NALF1: variants seen among roughly 807,000 people sequenced by gnomAD.
NALF1 encodes the protein NALCN channel auxiliary factor 1, also known as family with sequence similarity 155 member A.
Under a neutral mutation model 48.4 loss-of-function variants are expected in NALF1, and 3 were observed. The ratio of observed to expected loss-of-function variants is 0.06; its 90% CI spans 0.03 to 0.16. NALF1 has a LOEUF of 0.16. Ranked by LOEUF, NALF1 falls within the 10% of genes least tolerant of loss-of-function variation. The pLI is 1.00. For missense variants in NALF1, 526 were observed against 571.5 expected (o/e 0.92, Z 0.81); for synonymous variants, 262 against 245.7 (o/e 1.07, Z -0.62).
chr13:107,481,235 A>C (rs1414642555), intron 1 of NALF1, among the ~76,000 whole-genome samples: 14 of 152,200 alleles, frequency 9.2e-5, no homozygotes, highest in African/African-American at 3.4e-4. Flanking sequence ...ATTGAGATCA[A>C]GATGATGCTG....
chr13:107,179,363 C>T (rs867288574), intron 2 of NALF1, among the ~76,000 whole-genome samples: 1 of 151,108 alleles, frequency 6.6e-6, no homozygotes, highest in Non-Finnish European at 1.5e-5. Context: ...TTACTATAGG[C>T]TGGGAAGGGT....
At chr13:107,267,197 C>T (rs759436291) in intron 1 of NALF1, among the ~76,000 whole-genome samples, 1 of 152,178 alleles carries the variant, frequency 6.6e-6, no homozygotes, top group Non-Finnish European at 1.5e-5. Flanking sequence ...GCTCACTGAT[C>T]ACGTATTTGG....
chr13:107,812,129 G>A (rs10508194), intron 1 of NALF1, among the ~76,000 whole-genome samples: 8,349 of 152,144 alleles, frequency 0.055, 791 homozygotes, highest in African/African-American at 0.19. Flanking sequence ...AAATCTTAGT[G>A]AAGTTCCATG....
At chr13:107,455,654 A>G (rs1884812059) in intron 1 of NALF1, among the ~76,000 whole-genome samples, 1 of 152,282 alleles carries the variant, frequency 6.6e-6, no homozygotes, top group South Asian at 2.1e-4. Flanking sequence ...CATACAGAGT[A>G]GTTTCACTGC....
At chr13:107,686,494 A>T (rs1369083701) in intron 1 of NALF1, among the ~76,000 whole-genome samples, 1 of 152,094 alleles carries the variant, frequency 6.6e-6, no homozygotes, top group East Asian at 1.9e-4. Flanking sequence ...TCCAGGTTCA[A>T]GCAATTCTCC....
intron 1 of NALF1, among the ~76,000 whole-genome samples, chr13:107,455,545 C>T (rs556583708): frequency 2.6e-5 from 4 of 152,258 alleles, no homozygotes; most frequent in African/African-American, 7.2e-5. Context: ...ACATCATCAT[C>T]ACCCAGAGTT....
intron 1 of NALF1, among the ~76,000 whole-genome samples, chr13:107,443,613 T>C (rs994374271): frequency 4.6e-5 from 7 of 152,190 alleles, no homozygotes; most frequent in Non-Finnish European, 8.8e-5. Context: ...TAAACTAATT[T>C]TTATTGATTT....
chr13:107,424,610 G>A (rs2139011497), intron 1 of NALF1, among the ~76,000 whole-genome samples: 1 of 152,268 alleles, frequency 6.6e-6, no homozygotes, highest in South Asian at 2.1e-4. Flanking sequence ...GCAAGAAAGG[G>A]AAGGAGAAGA....
At chr13:107,840,141 T>C (rs1880004555) in intron 1 of NALF1, among the ~76,000 whole-genome samples, 2 of 152,204 alleles carry the variant, frequency 1.3e-5, no homozygotes, top group Admixed American at 6.5e-5. Flanking sequence ...ACTCATTCTT[T>C]AGTCAGTTAA....
intron 1 of NALF1, among the ~76,000 whole-genome samples, chr13:107,380,764 G>A (rs1374863776): frequency 6.6e-6 from 1 of 151,876 alleles, no homozygotes; most frequent in Non-Finnish European, 1.5e-5. Context: ...GGATCACGAG[G>A]TCAGGAGATC....
chr13:107,657,436 G>T (rs542482733), intron 1 of NALF1, among the ~76,000 whole-genome samples: 1 of 152,216 alleles, frequency 6.6e-6, no homozygotes, highest in African/African-American at 2.4e-5. Flanking sequence ...GCATATGTTT[G>T]CACGGGTGTG....
intron 1 of NALF1, among the ~76,000 whole-genome samples, chr13:107,644,862 A>G (rs145021556): frequency 1.6e-4 from 24 of 151,990 alleles, no homozygotes; most frequent in African/African-American, 5.5e-4. Context: ...ACTGCTGTAC[A>G]GCAAAAATAA....
At chr13:107,661,977 A>T (rs543632157) in intron 1 of NALF1, among the ~76,000 whole-genome samples, 2 of 152,296 alleles carry the variant, frequency 1.3e-5, no homozygotes, top group African/African-American at 4.8e-5. Context: ...AAATTGTATG[A>T]GGATGTTATT....
In NALF1 at chr13:107,866,253, G is replaced by C; in HGVS notation, c.344C>G (p.Pro115Arg). ...ALLASMGESSPAAQAHRLLSA... is the reference protein window; with the variant it reads ...ALLASMGESSRAAQAHRLLSA... Reference sequence around the variant, plus strand: ...GAGGAGTCTGTGTGCCTGGGCGGCGGGCGAGGACTCCCCCATGCTCGCCAG... The same window carrying C: ...GAGGAGTCTGTGTGCCTGGGCGGCGCGCGAGGACTCCCCCATGCTCGCCAG... The change falls in exon 1 of 3, where the codon CCC becomes CGC. Residue 115 changes from proline to arginine, a missense_variant. Physicochemically the swap from Pro to Arg is moderately radical, Grantham distance 103. Coordinates refer to ENST00000375915, the MANE Select transcript of NALF1 (RefSeq NM_001080396.3). This position sits in a 1 kb window ranked among gnomAD's most constrained non-coding sequence, Gnocchi z 4.4. 3.1e-6 allele frequency: 5 copies of C among 1,593,656 alleles called. No individual in the cohort carries two copies. Among genetic ancestry groups the C allele is most frequent in the Non-Finnish European group, 4.3e-6 (5 of 1,172,034 alleles).
At chr13:107,482,178 T>C (rs75172613) in intron 1 of NALF1, among the ~76,000 whole-genome samples, 2 of 152,094 alleles carry the variant, frequency 1.3e-5, no homozygotes, top group Non-Finnish European at 2.9e-5. Context: ...AAAAGACTTA[T>C]CTCTCCCGAG....
Position 107,166,234 on chromosome 13 carries a change from C to G in NALF1, c.*4263G>C, listed in dbSNP as rs534463504. On this transcript the variant is annotated 3_prime_UTR_variant, in exon 3 of 3. Coordinates refer to ENST00000375915, the MANE Select transcript of NALF1 (RefSeq NM_001080396.3). ...AGGAGTTCAAGACTAGCCTGGCCAA[C>G]ATGGCGACACCACGTCTCTACTAAA... is the stretch of plus-strand genomic sequence containing the variant. 8 of 152,198 alleles carry G rather than the reference C, an allele frequency of 5.3e-5. No individual in the cohort carries two copies. Among genetic ancestry groups the G allele is most frequent in the Admixed American group, 2.6e-4 (4 of 15,270 alleles). 9.4% of individuals were successfully genotyped at this position (152,198 alleles called of 1,614,324 possible).
chr13:107,271,522 G>A (rs938756107), intron 1 of NALF1, among the ~76,000 whole-genome samples: 2 of 152,074 alleles, frequency 1.3e-5, no homozygotes, highest in African/African-American at 4.8e-5. Context: ...GACGACTGGG[G>A]CTGCAGAGGA....
At chr13:107,565,384 C>CAAA (rs10631309) in intron 1 of NALF1, among the ~76,000 whole-genome samples, 22,357 of 118,978 alleles carry the variant, frequency 0.19, 2,435 homozygotes, top group South Asian at 0.27. Context: ...GACCTTATCT[C>CAAA]AAAAAAAAAA....
chr13:107,286,548 G>T (rs1881495771), intron 1 of NALF1, among the ~76,000 whole-genome samples: 1 of 143,772 alleles, frequency 7.0e-6, no homozygotes, highest in African/African-American at 2.6e-5. Context: ...GAGGTGGGAG[G>T]ATGGCTCGAG....
Sources: allele counts gnomAD v4.1 joint callset (sites outside exome capture counted in the v4.1 genomes callset), GRCh38; gene constraint gnomAD v4.1.1; non-coding constraint Gnocchi (gnomAD v3.1); transcripts MANE v1.5; gene names NCBI Gene and HGNC (gene_info 2026-07-23, HGNC 2026-07-21).